The following INPP4B variants were observed in gnomAD, a reference collection of about 807,000 sequenced individuals.
The protein encoded by INPP4B is inositol polyphosphate 4-phosphatase type II.
A neutral mutation model predicts 122.5 loss-of-function variants in INPP4B; 55 were observed. The ratio of observed to expected loss-of-function variants is 0.45; its 90% CI spans 0.36 to 0.56. The LOEUF is 0.56. Ranked by LOEUF, INPP4B falls within the 20% of genes least tolerant of loss-of-function variation. INPP4B has a pLI of 0.00. For missense variants in INPP4B, 1,000 were observed against 1,097.7 expected, an observed-to-expected ratio of 0.91 and a Z score of 1.26; for synonymous variants, 403 against 388.7, an observed-to-expected ratio of 1.04 and a Z score of -0.43.
intron 2 of INPP4B, among the ~76,000 whole-genome samples, chr4:142,593,706 AATTT>A (rs1253654525): frequency 6.6e-6 from 1 of 152,060 alleles, no homozygotes; most frequent in Non-Finnish European, 1.5e-5. Flanking sequence ...TTCTCCATAG[AATTT>A]ATTTTTCTCC....
chr4:142,403,229 G>A (rs1802232004), intron 6 of INPP4B, among the ~76,000 whole-genome samples, 175 bp from the exon 7 acceptor site: 1 of 152,222 alleles, frequency 6.6e-6, no homozygotes, highest in Admixed American at 6.5e-5. Flanking sequence ...ACATGGCCCA[G>A]GGCCTTAAGG....
At chr4:142,739,761 T>A (rs1265868753) in intron 1 of INPP4B, among the ~76,000 whole-genome samples, 2 of 151,994 alleles carry the variant, frequency 1.3e-5, no homozygotes, top group Non-Finnish European at 2.9e-5. Flanking sequence ...AAAGAAAAAA[T>A]AATACGTTAT....
chr4:142,459,560 G>A (rs2149575926), intron 3 of INPP4B, among the ~76,000 whole-genome samples: 1 of 152,186 alleles, frequency 6.6e-6, no homozygotes, highest in Admixed American at 6.5e-5. Flanking sequence ...ACAAATAATA[G>A]CAAACTGGCA....
At chr4:142,395,531 C>T (rs1238720768) in intron 7 of INPP4B, among the ~76,000 whole-genome samples, 2 of 152,058 alleles carry the variant, frequency 1.3e-5, no homozygotes, top group African/African-American at 2.4e-5. Flanking sequence ...ATAGAACTAC[C>T]ATAGGATACA....
At chr4:142,589,051 T>C (rs1038280041) in intron 2 of INPP4B, among the ~76,000 whole-genome samples, 2 of 151,898 alleles carry the variant, frequency 1.3e-5, no homozygotes, top group Non-Finnish European at 2.9e-5. Context: ...CACACAAATA[T>C]AGCCAGTTGA....
intron 5 of INPP4B, chr4:142,423,791 T>C: frequency 2.3e-6 from 1 of 436,272 alleles, no homozygotes; most frequent in Non-Finnish European, 4.5e-6. Context: ...AAGTGGTGGC[T>C]TACAGAGTGA....
chr4:142,600,621 A>G (rs1490590639), intron 2 of INPP4B, among the ~76,000 whole-genome samples: 1 of 152,166 alleles, frequency 6.6e-6, no homozygotes, highest in Non-Finnish European at 1.5e-5. Flanking sequence ...AAGGACGATC[A>G]AGAGAAAAAG....
intron 18 of INPP4B, among the ~76,000 whole-genome samples, chr4:142,142,843 T>C (rs1164807494): frequency 6.6e-6 from 1 of 152,140 alleles, no homozygotes; most frequent in African/African-American, 2.4e-5. Flanking sequence ...GATGTTGTCA[T>C]TATGTGAATA....
chr4:142,639,224 T>C (rs915817319), intron 2 of INPP4B, among the ~76,000 whole-genome samples: 1 of 152,324 alleles, frequency 6.6e-6, no homozygotes, highest in Middle Eastern at 3.4e-3. Context: ...GGTCTGTAAG[T>C]TGCTTTTTTT....
intron 2 of INPP4B, chr4:142,468,198 C>T (rs1443020407): frequency 2.0e-5 from 3 of 152,138 alleles, no homozygotes; most frequent in Non-Finnish European, 2.9e-5. Context: ...ACCCCAGGAT[C>T]CTGGTGTGAT....
chr4:142,134,785 G>A (rs530478720), intron 18 of INPP4B, among the ~76,000 whole-genome samples: 42 of 100,746 alleles, frequency 4.2e-4, no homozygotes, highest in Middle Eastern at 0.012. Flanking sequence ...CAACAAGAGC[G>A]AAACTCTGTC....
At chr4:142,122,846 T>C (rs1349805552) in intron 20 of INPP4B, among the ~76,000 whole-genome samples, 2 of 152,136 alleles carry the variant, frequency 1.3e-5, no homozygotes, top group East Asian at 3.9e-4. Context: ...TATGAAATTA[T>C]TAATTATCAA....
intron 5 of INPP4B, among the ~76,000 whole-genome samples, chr4:142,428,565 C>T (rs1029350776): frequency 2.0e-5 from 3 of 151,646 alleles, no homozygotes; most frequent in African/African-American, 7.3e-5. Flanking sequence ...AAGTAGTTTC[C>T]ACTCATTAGT....
intron 15 of INPP4B, among the ~76,000 whole-genome samples, chr4:142,186,484 G>A (rs1462893780): frequency 2.0e-5 from 3 of 152,170 alleles, no homozygotes; most frequent in Non-Finnish European, 4.4e-5. Flanking sequence ...AAATTAAACA[G>A]AGTTACAGAA....
At chr4:142,309,789 A>C (rs2151256566) in intron 8 of INPP4B, among the ~76,000 whole-genome samples, 1 of 152,300 alleles carries the variant, frequency 6.6e-6, no homozygotes. Flanking sequence ...ATAATCATTA[A>C]ATTGTTTGCT....
At chr4:142,790,381 A>C (rs1776374074) in intron 1 of INPP4B, among the ~76,000 whole-genome samples, 1 of 152,152 alleles carries the variant, frequency 6.6e-6, no homozygotes, top group South Asian at 2.1e-4. Flanking sequence ...AAAAACAAAC[A>C]ATCCCATTAA....
chr4:142,500,143 T>C (rs940581290), intron 2 of INPP4B, among the ~76,000 whole-genome samples: 2 of 152,164 alleles, frequency 1.3e-5, no homozygotes, highest in Non-Finnish European at 2.9e-5. Context: ...TGAACTTTTC[T>C]CTCTAGAGGG....
chr4:142,770,845 T>C (rs1772942331), intron 1 of INPP4B, among the ~76,000 whole-genome samples: 1 of 152,080 alleles, frequency 6.6e-6, no homozygotes. Flanking sequence ...CATAGAGAGC[T>C]ACAAGACAGG....
chr4:142,175,690 G>A (rs1271061900), intron 15 of INPP4B, among the ~76,000 whole-genome samples: 1 of 152,044 alleles, frequency 6.6e-6, no homozygotes, highest in Non-Finnish European at 1.5e-5. Flanking sequence ...TCTCTTTCTG[G>A]CTTCTTGAGT....
Sources: allele counts gnomAD v4.1 joint callset (sites outside exome capture counted in the v4.1 genomes callset), GRCh38; gene constraint gnomAD v4.1.1; transcripts MANE v1.5; gene names NCBI Gene and HGNC (gene_info 2026-07-23, HGNC 2026-07-21).